TMEM117: variants seen among roughly 807,000 people sequenced by gnomAD.
TMEM117 encodes transmembrane protein 117.
Under a neutral mutation model 52.4 loss-of-function variants are expected in TMEM117, and 27 were observed. The ratio of observed to expected loss-of-function variants is 0.51; its 90% CI spans 0.38 to 0.71. TMEM117 has a LOEUF of 0.71. Ranked by LOEUF, TMEM117 falls within the 30% of genes least tolerant of loss-of-function variation. The probability of loss-of-function intolerance (pLI) is 0.00; values close to 1 mark genes in which losing one functional copy is unlikely to be tolerated. For synonymous variants in TMEM117, 215 were observed against 206.3 expected (o/e 1.04, Z -0.36); for missense variants, 556 against 630.5 (o/e 0.88, Z 1.26).
At chr12:43,948,023 CAA>C (rs958293673) in intron 3 of TMEM117, among the ~76,000 whole-genome samples, 1 of 152,114 alleles carries the variant, frequency 6.6e-6, no homozygotes, top group African/African-American at 2.4e-5. Flanking sequence ...ACCGGAACCT[CAA>C]GAGTTTTTAG....
chr12:43,938,680 G>A (rs1278136188), intron 2 of TMEM117, among the ~76,000 whole-genome samples: 1 of 152,060 alleles, frequency 6.6e-6, no homozygotes, highest in East Asian at 1.9e-4. Flanking sequence ...TTTGTTTAGA[G>A]AACAGACATG....
chr12:44,190,566 T>C (rs565935952), intron 4 of TMEM117, among the ~76,000 whole-genome samples: 163 of 152,026 alleles, frequency 1.1e-3, no homozygotes, highest in Non-Finnish European at 8.5e-4. Flanking sequence ...GAGAAGAAAA[T>C]AGAGGATAAG....
intron 5 of TMEM117, among the ~76,000 whole-genome samples, chr12:44,264,320 A>G: frequency 6.6e-6 from 1 of 152,066 alleles, no homozygotes; most frequent in East Asian, 1.9e-4. Context: ...TCACCCTAAG[A>G]CAGTTACTTT....
At chr12:44,195,896 A>G (rs926641645) in intron 4 of TMEM117, among the ~76,000 whole-genome samples, 1 of 127,438 alleles carries the variant, frequency 7.8e-6, no homozygotes, top group African/African-American at 2.9e-5. Flanking sequence ...TCTAAAATAA[A>G]TAAATAAATA....
chr12:43,877,634 C>CA (rs372068617), intron 2 of TMEM117, among the ~76,000 whole-genome samples: 3,686 of 99,738 alleles, frequency 0.037, 70 homozygotes, highest in East Asian at 0.1. Flanking sequence ...GACTCGGTCT[C>CA]AAAAAAAAAA....
At chr12:44,267,385 G>T (rs1424726865) in intron 5 of TMEM117, among the ~76,000 whole-genome samples, 1 of 151,998 alleles carries the variant, frequency 6.6e-6, no homozygotes, top group African/African-American at 2.4e-5. Context: ...CATACAAAAA[G>T]TTGTACATAT....
chr12:44,342,536 A>G (rs2138755067), intron 6 of TMEM117, among the ~76,000 whole-genome samples: 1 of 151,922 alleles, frequency 6.6e-6, no homozygotes, highest in East Asian at 2.0e-4. Context: ...AACACAGACC[A>G]TTTATCAAGG....
At chr12:43,858,689 G>A (rs1275288300) in intron 2 of TMEM117, among the ~76,000 whole-genome samples, 1 of 152,212 alleles carries the variant, frequency 6.6e-6, no homozygotes, top group Non-Finnish European at 1.5e-5. Context: ...CCATTGAAAT[G>A]GACAGACTAG....
chr12:44,068,988 T>C (rs1947261653), intron 3 of TMEM117, among the ~76,000 whole-genome samples: 1 of 152,196 alleles, frequency 6.6e-6, no homozygotes, highest in Admixed American at 6.5e-5. Context: ...TTCCTGGGTC[T>C]TACCAAGGAG....
chr12:44,173,830 A>G (rs971210793), intron 4 of TMEM117, among the ~76,000 whole-genome samples: 1 of 152,012 alleles, frequency 6.6e-6, no homozygotes, highest in East Asian at 1.9e-4. Flanking sequence ...TGTTTCCCAC[A>G]TATTTTCTTC....
intron 2 of TMEM117, among the ~76,000 whole-genome samples, chr12:43,869,336 A>G (rs1943664905): frequency 6.6e-6 from 1 of 152,190 alleles, no homozygotes; most frequent in Admixed American, 6.5e-5. Flanking sequence ...ATTTAATTCT[A>G]TTGTAGCATT....
chr12:44,215,876 C>A (rs73272268), intron 5 of TMEM117, among the ~76,000 whole-genome samples: 4 of 152,104 alleles, frequency 2.6e-5, no homozygotes, highest in Non-Finnish European at 5.9e-5. Context: ...CTTTCTCCCC[C>A]CTCTGATTAC....
chr12:43,932,444 C>T (rs957603094), intron 2 of TMEM117, among the ~76,000 whole-genome samples: 3 of 144,460 alleles, frequency 2.1e-5, no homozygotes, highest in Non-Finnish European at 4.5e-5. Flanking sequence ...TCTTTTGATT[C>T]TACTTTAACT....
chr12:44,360,217 CAT>C (rs1164357658), intron 6 of TMEM117, among the ~76,000 whole-genome samples: 1 of 151,990 alleles, frequency 6.6e-6, no homozygotes, highest in African/African-American at 2.4e-5. Flanking sequence ...GAGAAAATGA[CAT>C]GTGTGTATTA....
At chr12:43,863,038 T>G (rs1183615154) in intron 2 of TMEM117, among the ~76,000 whole-genome samples, 3 of 152,016 alleles carry the variant, frequency 2.0e-5, no homozygotes, top group Non-Finnish European at 4.4e-5. Flanking sequence ...CTCACACCTG[T>G]AATTCTAGCA....
Position 44,388,883 on chromosome 12 carries a change from G to C in TMEM117, c.*211G>C. ...CTACTGTATACTCAACAGTCCTCTAGAGATTGCTTTTCACAATTGCACAAG... is the reference window on the plus strand; with the variant it reads ...CTACTGTATACTCAACAGTCCTCTACAGATTGCTTTTCACAATTGCACAAG... On this transcript the variant is annotated 3_prime_UTR_variant, in exon 8 of 8. Coordinates refer to ENST00000266534, the MANE Select transcript of TMEM117 (RefSeq NM_032256.3). 1.8e-6 allele frequency: 1 copy of C among 571,050 alleles called. No homozygotes were observed. Among genetic ancestry groups the C allele is most frequent in the South Asian group, 2.4e-5 (1 of 42,550 alleles). 35.4% of individuals were successfully genotyped at this position (571,050 alleles called of 1,614,324 possible). A position where few individuals can be genotyped will look rare whatever the true frequency, so the allele number is the denominator to read the frequency against.
intron 3 of TMEM117, among the ~76,000 whole-genome samples, chr12:43,991,909 T>A (rs1321501948): frequency 6.6e-6 from 1 of 152,110 alleles, no homozygotes; most frequent in East Asian, 1.9e-4. Flanking sequence ...CTGAACTTAA[T>A]GCAAGTTTGG....
chr12:43,805,889 C>T, the TMEM117 span: 2 of 1,459,850 alleles, frequency 1.4e-6, no homozygotes, highest in South Asian at 1.1e-5. Context: ...CTCTTCCCTA[C>T]GTGACCAAAA....
chr12:43,888,543 CTTTTTTT>C (rs147186370), intron 2 of TMEM117, among the ~76,000 whole-genome samples: 31 of 92,174 alleles, frequency 3.4e-4, no homozygotes, highest in African/African-American at 1.1e-3. Context: ...CATTAGTTTT[CTTTTTTT>C]TTTTTTTTTT....
Sources: gnomAD v4.1 joint callset for allele counts (sites outside exome capture counted in the v4.1 genomes callset) on GRCh38, gnomAD v4.1.1 for gene constraint, MANE v1.5 for transcripts, NCBI Gene and HGNC (gene_info 2026-07-23, HGNC 2026-07-21) for gene names.